The following ZNF385D variants were observed in gnomAD, a reference collection of about 807,000 sequenced individuals.
The protein encoded by ZNF385D is zinc finger protein 385D.
ZNF385D carries 15 observed loss-of-function variants against 35.8 expected under a neutral mutation model. The ratio of observed to expected loss-of-function variants is 0.42; its 90% CI spans 0.28 to 0.64. The LOEUF (loss-of-function observed/expected upper bound fraction) is 0.64, where lower values mean the gene tolerates loss of function less well. ZNF385D is among the 30% of genes least tolerant of loss of function. The pLI is 0.23. For missense variants in ZNF385D, 474 were observed against 494.6 expected (o/e 0.96, Z 0.39); for synonymous variants, 212 against 186.8 (o/e 1.13, Z -1.10).
intron 3 of ZNF385D, among the ~76,000 whole-genome samples, chr3:21,906,616 C>T (rs1407793566): frequency 6.6e-6 from 1 of 152,096 alleles, no homozygotes; most frequent in East Asian, 1.9e-4. Flanking sequence ...TCTGTGCCTT[C>T]AGTAATGGGT....
At chr3:21,828,202 A>G (rs957074630) in intron 3 of ZNF385D, among the ~76,000 whole-genome samples, 2 of 152,318 alleles carry the variant, frequency 1.3e-5, no homozygotes, top group African/African-American at 4.8e-5. Flanking sequence ...TCCCAGATAA[A>G]ATATTCCTTT....
intron 3 of ZNF385D, among the ~76,000 whole-genome samples, chr3:21,873,857 C>G (rs771024687): frequency 1.3e-5 from 2 of 152,006 alleles, no homozygotes; most frequent in Non-Finnish European, 2.9e-5. Context: ...TATGTGTATA[C>G]CAGATTTTCT....
In ZNF385D at chr3:22,094,460, C is replaced by G. The variant is rs886361777; in HGVS notation, c.325+74357G>C. Among the ~76,000 whole-genome samples, 3 of 104,922 alleles carry G rather than the reference C, an allele frequency of 2.9e-5. No individual in the cohort carries two copies. In the South Asian group the frequency reaches 1.1e-3, roughly 39 times the overall value. 68.8% of individuals were successfully genotyped at this position (104,922 alleles called of 152,430 possible). ...TCCAAGAAAAAGACACACAGACAGA[C>G]TTAGAAATGCCAGACATTGATTGAG... On this transcript the variant is annotated intron_variant, in intron 3 of 5. Transcript: ENST00000494108.
chr3:22,227,190 G>C (rs1051285500), intron 2 of ZNF385D, among the ~76,000 whole-genome samples: 1 of 151,922 alleles, frequency 6.6e-6, no homozygotes, highest in Admixed American at 6.5e-5. Flanking sequence ...GTGGGGCGGG[G>C]GGGGTGTAGG....
At chr3:22,266,452 T>C (rs1183598710) in intron 2 of ZNF385D, among the ~76,000 whole-genome samples, 1 of 151,862 alleles carries the variant, frequency 6.6e-6, no homozygotes, top group African/African-American at 2.4e-5. Context: ...CCTGTTCACA[T>C]AGTCAGCTGG....
intron 3 of ZNF385D, among the ~76,000 whole-genome samples, chr3:21,995,587 T>A (rs1226928263): frequency 6.6e-6 from 1 of 151,668 alleles, no homozygotes; most frequent in Non-Finnish European, 1.5e-5. Context: ...AGTGGGCAGG[T>A]CTTTCTTCAG....
At chr3:21,945,145 C>CATATATACGTATATGTAT (rs1701714917) in intron 3 of ZNF385D, among the ~76,000 whole-genome samples, 1 of 151,138 alleles carries the variant, frequency 6.6e-6, no homozygotes, top group Non-Finnish European at 1.5e-5. Context: ...TATGTATATG[C>CATATATACGTATATGTAT]ATATATATAT....
At chr3:22,119,050 A>T (rs1374163294) in intron 3 of ZNF385D, among the ~76,000 whole-genome samples, 4 of 152,160 alleles carry the variant, frequency 2.6e-5, no homozygotes, top group Admixed American at 1.3e-4. Flanking sequence ...AATATTAATT[A>T]TCTTAAATAT....
chr3:21,725,309 A>T (rs1306797537), intron 1 of ZNF385D, among the ~76,000 whole-genome samples: 2 of 152,228 alleles, frequency 1.3e-5, no homozygotes, highest in Non-Finnish European at 2.9e-5. Flanking sequence ...AAAAGCCAGC[A>T]GAAGGCAAGA....
chr3:21,692,807 C>T lies in ZNF385D; in HGVS notation c.23-27779G>A, dbSNP rs535073311. ...GTTGCCTTTGTGAAGTTTTTCAGGC[C>T]ATCACAATTCCCATGTGTCTCAGGC... On this transcript the variant is annotated intron_variant, in intron 1 of 7. Transcript: ENST00000281523. Among the ~76,000 whole-genome samples, 550 of 152,272 alleles carry T rather than the reference C, an allele frequency of 3.6e-3. 4 individuals are homozygous for T. Among genetic ancestry groups the T allele is most frequent in the Non-Finnish European group, 6.5e-3 (442 of 68,022 alleles).
chr3:22,053,156 G>T (rs1163731931), intron 3 of ZNF385D, among the ~76,000 whole-genome samples: 1 of 84,464 alleles, frequency 1.2e-5, no homozygotes, highest in Non-Finnish European at 2.4e-5. Flanking sequence ...GCGAGATTCC[G>T]TGGGCGTAGG....
intron 5 of ZNF385D, among the ~76,000 whole-genome samples, chr3:21,436,375 C>G (rs1464707087): frequency 6.6e-6 from 1 of 152,086 alleles, no homozygotes; most frequent in East Asian, 1.9e-4. Flanking sequence ...TGTGCCTTCT[C>G]TGAGCTTCAA....
intron 1 of ZNF385D, among the ~76,000 whole-genome samples, chr3:21,724,761 T>C (rs1432227451): frequency 6.6e-6 from 1 of 152,058 alleles, no homozygotes. Context: ...ACTGTCAATA[T>C]TAGACAGATC....
At chr3:21,655,788 C>G (rs184275380) in intron 2 of ZNF385D, among the ~76,000 whole-genome samples, 498 of 152,060 alleles carry the variant, frequency 3.3e-3, no homozygotes, top group Non-Finnish European at 5.3e-3. Flanking sequence ...TGAAATCTAG[C>G]CATGATTCAG....
At chr3:21,750,612 C>G (rs1319096763) in intron 1 of ZNF385D, among the ~76,000 whole-genome samples, 1 of 152,058 alleles carries the variant, frequency 6.6e-6, no homozygotes, top group Admixed American at 6.5e-5. Context: ...CTAAAAGAGC[C>G]AACTTCATTC....
chr3:22,193,803 G>A (rs1350511727), intron 2 of ZNF385D, among the ~76,000 whole-genome samples: 2 of 151,972 alleles, frequency 1.3e-5, no homozygotes, highest in South Asian at 4.1e-4. Context: ...AAGCCTCAAA[G>A]ATATTGTTTC....
At chr3:22,029,290 G>A (rs376879756) in intron 3 of ZNF385D, among the ~76,000 whole-genome samples, 32 of 152,292 alleles carry the variant, frequency 2.1e-4, no homozygotes, top group African/African-American at 7.7e-4. Context: ...GTAAGGAAGA[G>A]TATGCATGGA....
intron 2 of ZNF385D, among the ~76,000 whole-genome samples, chr3:22,213,140 T>A (rs191193529): frequency 3.3e-5 from 5 of 152,186 alleles, no homozygotes; most frequent in Admixed American, 3.3e-4. Flanking sequence ...TATTAGAAGT[T>A]TGTCATGTGA....
chr3:22,354,748 A>G (rs576142244), intron 2 of ZNF385D, among the ~76,000 whole-genome samples: 9 of 152,078 alleles, frequency 5.9e-5, no homozygotes, highest in Non-Finnish European at 1.2e-4. Flanking sequence ...CATATAATCA[A>G]TGACTCCTTA....
Sources: allele counts gnomAD v4.1 joint callset (sites outside exome capture counted in the v4.1 genomes callset), GRCh38; gene constraint gnomAD v4.1.1; transcripts MANE v1.5; gene names NCBI Gene and HGNC (gene_info 2026-07-23, HGNC 2026-07-21).